SLC38A9: variants seen among roughly 807,000 people sequenced by gnomAD.
The protein encoded by SLC38A9 is neutral amino acid transporter 9.
SLC38A9 carries 48 observed loss-of-function variants against 62.3 expected under a neutral mutation model. The observed-to-expected ratio is 0.77, with a 90% CI of 0.61 to 0.98. SLC38A9 has a LOEUF of 0.98. SLC38A9 is among the 50% of genes least tolerant of loss of function. SLC38A9 has a pLI of 0.00. For synonymous variants in SLC38A9, 204 were observed against 227.7 expected (o/e 0.90, Z 0.94); for missense variants, 541 against 679.8 (o/e 0.80, Z 2.27).
chr5:55,672,091 A>C (rs1751424805), intron 4 of SLC38A9, among the ~76,000 whole-genome samples: 1 of 152,050 alleles, frequency 6.6e-6, no homozygotes. Flanking sequence ...GGCTCAAGTG[A>C]TCCTCTTGCC....
At chr5:55,636,886 G>A (rs929841651) in intron 12 of SLC38A9, among the ~76,000 whole-genome samples, 1 of 152,166 alleles carries the variant, frequency 6.6e-6, no homozygotes, top group African/African-American at 2.4e-5. Context: ...TTAGGAATGA[G>A]GAAGAGGATG....
chr5:55,685,623 A>T (rs1561410773), intron 3 of SLC38A9, among the ~76,000 whole-genome samples: 3 of 150,388 alleles, frequency 2.0e-5, no homozygotes, highest in African/African-American at 7.3e-5. Flanking sequence ...ATGGCTGTAC[A>T]TTTTTTTTTT....
intron 3 of SLC38A9, among the ~76,000 whole-genome samples, chr5:55,679,400 GA>G (rs1240490298): frequency 1.3e-5 from 2 of 151,986 alleles, no homozygotes; most frequent in Non-Finnish European, 2.9e-5. Context: ...AACTTGACCT[GA>G]AAATTAATTC....
intron 10 of SLC38A9, among the ~76,000 whole-genome samples, chr5:55,651,170 TA>T (rs1303250244): frequency 1.3e-5 from 2 of 151,660 alleles, no homozygotes; most frequent in Admixed American, 1.3e-4. Context: ...TATGTGGAGT[TA>T]TCGATTCCTT....
At chr5:55,705,040 G>T (rs78612973) in intron 2 of SLC38A9, among the ~76,000 whole-genome samples, 4 of 152,074 alleles carry the variant, frequency 2.6e-5, no homozygotes, top group Admixed American at 2.0e-4. Flanking sequence ...AAAATTACTC[G>T]TTGGAAGGAC....
intron 2 of SLC38A9, among the ~76,000 whole-genome samples, chr5:55,709,382 T>A (rs1757703253): frequency 7.6e-6 from 1 of 132,328 alleles, no homozygotes; most frequent in South Asian, 2.3e-4. Flanking sequence ...CTCTAAGTGA[T>A]TTTTTTTTTT....
At chr5:55,630,418 A>G (rs1225020452) in intron 14 of SLC38A9, among the ~76,000 whole-genome samples, 1 of 152,062 alleles carries the variant, frequency 6.6e-6, no homozygotes, top group African/African-American at 2.4e-5. Context: ...CCTGGGTTCA[A>G]GCAATTCTCC....
intron 8 of SLC38A9, among the ~76,000 whole-genome samples, chr5:55,659,025 CAT>C (rs1237155061): frequency 6.6e-6 from 1 of 152,146 alleles, no homozygotes; most frequent in Admixed American, 6.5e-5. Context: ...ATTGTCTCTT[CAT>C]ATCTTTTGAT....
At chr5:55,650,792 T>A (rs1747248611) in intron 10 of SLC38A9, among the ~76,000 whole-genome samples, 1 of 152,136 alleles carries the variant, frequency 6.6e-6, no homozygotes, top group Non-Finnish European at 1.5e-5. Context: ...CTGGGTTATT[T>A]ATTTATTTAT....
At chr5:55,641,944 TTAAC>T (rs1321093145) in intron 12 of SLC38A9, among the ~76,000 whole-genome samples, 2 of 152,246 alleles carry the variant, frequency 1.3e-5, no homozygotes, top group East Asian at 3.8e-4. Flanking sequence ...CTGATGTAAT[TTAAC>T]TAAACCAGAT....
At chr5:55,638,081 AT>A (rs768524366) in intron 12 of SLC38A9, among the ~76,000 whole-genome samples, 5 of 152,230 alleles carry the variant, frequency 3.3e-5, no homozygotes, top group Non-Finnish European at 7.4e-5. Flanking sequence ...GAAAAGTTTT[AT>A]TTCACAGTAC....
At chr5:55,705,846 T>C (rs1757226293) in intron 2 of SLC38A9, among the ~76,000 whole-genome samples, 1 of 152,072 alleles carries the variant, frequency 6.6e-6, no homozygotes, top group African/African-American at 2.4e-5. Context: ...TAGCTGGGAC[T>C]ACAGGTGCCT....
intron 14 of SLC38A9, among the ~76,000 whole-genome samples, chr5:55,632,389 G>C (rs1253121881): frequency 6.6e-6 from 1 of 152,184 alleles, no homozygotes; most frequent in Non-Finnish European, 1.5e-5. Context: ...AGTGAGCCGA[G>C]ATCGCGCCAC....
rs779114329 is a variant in SLC38A9 at position 55,635,628 on chromosome 5, CAGCATATA to C, written c.1189_1196del (p.Tyr397GlyfsTer27). On this transcript the variant is annotated frameshift_variant, in exon 13 of 16. Transcript: ENST00000396865. LOFTEE classifies it high-confidence loss of function. ...CAATATAGAGATAAGTTAATGTCAC[CAGCATATA>C]AGCAATGCACAAGTCCCTCACCTGT... 1.1e-5 allele frequency: 18 copies of C among 1,613,624 alleles called. No individual in the cohort carries two copies. The East Asian group carries it at 4.0e-4, about 36-fold the overall frequency.
intron 3 of SLC38A9, chr5:55,693,390 A>T (rs545851532): frequency 2.5e-4 from 38 of 152,374 alleles, no homozygotes; most frequent in African/African-American, 8.4e-4. Flanking sequence ...AGGAAAAAAT[A>T]TTCCATTGTA....
chr5:55,626,367 T>G lies in SLC38A9; in HGVS notation c.*127A>C. The G allele has an allele frequency of 1.1e-6, 1 of 889,590 alleles. No individual in the cohort carries two copies. The highest frequency in any genetic ancestry group is 1.7e-6 in the Non-Finnish European group (1 of 597,480). The allele number at this position is 889,590 out of a possible 1,614,324, so 55.1% of individuals were successfully genotyped here. A position where few individuals can be genotyped will look rare whatever the true frequency, so the allele number is the denominator to read the frequency against. On this transcript the variant is annotated 3_prime_UTR_variant, in exon 16 of 16. Coordinates refer to ENST00000396865, the MANE Select transcript of SLC38A9 (RefSeq NM_173514.4). Reference sequence around the variant, plus strand: ...CTCATTAAGGGGCCACTATTTCCCTTGCTTTCAAATTATCTTAGAAAATAT... The same window carrying G: ...CTCATTAAGGGGCCACTATTTCCCTGGCTTTCAAATTATCTTAGAAAATAT...
intron 2 of SLC38A9, among the ~76,000 whole-genome samples, chr5:55,706,041 G>A (rs1757249700): frequency 1.3e-5 from 2 of 152,140 alleles, no homozygotes; most frequent in Non-Finnish European, 2.9e-5. Context: ...ATCAGGGCTA[G>A]AATGAGTGAA....
intron 12 of SLC38A9, among the ~76,000 whole-genome samples, chr5:55,636,642 C>T (rs1327432971): frequency 6.6e-6 from 1 of 152,204 alleles, no homozygotes; most frequent in Non-Finnish European, 1.5e-5. Flanking sequence ...TTTTGGATTA[C>T]TTTCTTCCTT....
intron 8 of SLC38A9, among the ~76,000 whole-genome samples, chr5:55,657,082 C>T (rs1055417464): frequency 2.6e-5 from 4 of 152,106 alleles, no homozygotes; most frequent in Admixed American, 1.3e-4. Context: ...AGGATGGTCT[C>T]GATCTCCTGA....
Sources: gnomAD v4.1 joint callset for allele counts (sites outside exome capture counted in the v4.1 genomes callset) on GRCh38, gnomAD v4.1.1 for gene constraint, MANE v1.5 for transcripts, NCBI Gene and HGNC (gene_info 2026-07-23, HGNC 2026-07-21) for gene names.